SUMF1: variants seen among roughly 807,000 people sequenced by gnomAD.
SUMF1 encodes the protein sulfatase modifying factor 1.
Under a neutral mutation model 47.6 loss-of-function variants are expected in SUMF1, and 48 were observed. The ratio of observed to expected loss-of-function variants is 1.01; its 90% CI spans 0.80 to 1.28. The LOEUF is 1.28. Ranked by LOEUF, SUMF1 falls within the 50% of genes most tolerant of loss-of-function variation. The probability of loss-of-function intolerance (pLI) is 0.00; values close to 1 mark genes in which losing one functional copy is unlikely to be tolerated. For synonymous variants in SUMF1, 230 were observed against 192.1 expected (o/e 1.20, Z -1.63); for missense variants, 571 against 485.4 (o/e 1.18, Z -1.66).
chr3:4,193,806 T>C (rs769606379), intron 8 of SUMF1, among the ~76,000 whole-genome samples: 26 of 152,230 alleles, frequency 1.7e-4, no homozygotes, highest in Non-Finnish European at 3.1e-4. Context: ...TCTTAACCTC[T>C]CTGAGCTGCC....
At chr3:4,163,380 AAGGGAGGGAGGGAGGGAGGGAGGGAGGG>A (rs1176844512) in intron 8 of SUMF1, among the ~76,000 whole-genome samples, 19 of 22,958 alleles carry the variant, frequency 8.3e-4, no homozygotes, top group Non-Finnish European at 1.4e-3. Context: ...GGAAGGAAGG[AAGGGAGGGAGGGAGGGAGGGAGGGAGGG>A]AGGGAGGGAG....
chr3:4,162,683 G>A (rs1404834322), intron 8 of SUMF1, among the ~76,000 whole-genome samples: 2 of 152,172 alleles, frequency 1.3e-5, no homozygotes, highest in African/African-American at 2.4e-5. Context: ...GTTGCCAGAA[G>A]GATGGGAGTG....
At chr3:4,241,586 A>C (rs1157597913) in intron 8 of SUMF1, among the ~76,000 whole-genome samples, 1 of 152,170 alleles carries the variant, frequency 6.6e-6, no homozygotes, top group Admixed American at 6.6e-5. Context: ...AGTGCTAAAC[A>C]ATGTATTTTA....
intron 8 of SUMF1, among the ~76,000 whole-genome samples, chr3:4,132,220 C>A (rs114546590): frequency 6.6e-6 from 1 of 152,292 alleles, no homozygotes; most frequent in African/African-American, 2.4e-5. Flanking sequence ...GAACGCCTCA[C>A]CTACCATCAT....
intron 8 of SUMF1, among the ~76,000 whole-genome samples, chr3:4,153,416 A>G (rs908243118): frequency 6.6e-6 from 1 of 150,916 alleles, no homozygotes; most frequent in Non-Finnish European, 1.5e-5. Flanking sequence ...GGATCTTCCT[A>G]TATTGCCCCA....
intron 8 of SUMF1, among the ~76,000 whole-genome samples, chr3:4,283,452 T>C (rs972694958): frequency 2.0e-5 from 3 of 152,116 alleles, no homozygotes; most frequent in Admixed American, 2.0e-4. Context: ...TTTCATTAAG[T>C]ATTTGCCTTT....
At chr3:4,346,479 A>C (rs577581132) in intron 8 of SUMF1, among the ~76,000 whole-genome samples, 4 of 152,310 alleles carry the variant, frequency 2.6e-5, no homozygotes, top group African/African-American at 9.6e-5. Context: ...TTTGAAACCA[A>C]TGAGAACAAA....
chr3:4,059,201 G>T (rs1000545932), intron 9 of SUMF1, among the ~76,000 whole-genome samples: 3 of 152,040 alleles, frequency 2.0e-5, no homozygotes, highest in Non-Finnish European at 4.4e-5. Context: ...TCAGCATAAG[G>T]CTCATAGATG....
At chr3:4,201,498 G>C (rs756943057) in intron 8 of SUMF1, among the ~76,000 whole-genome samples, 1 of 152,012 alleles carries the variant, frequency 6.6e-6, no homozygotes, top group Non-Finnish European at 1.5e-5. Context: ...TGGCTGAATA[G>C]TACTCCATTG....
chr3:4,129,430 T>G (rs1455543385), intron 8 of SUMF1, among the ~76,000 whole-genome samples: 1 of 152,120 alleles, frequency 6.6e-6, no homozygotes, highest in Non-Finnish European at 1.5e-5. Context: ...CTACTTAATT[T>G]ATATAAGCAG....
At chr3:4,105,802 T>G (rs1271601276) in intron 8 of SUMF1, among the ~76,000 whole-genome samples, 1 of 152,130 alleles carries the variant, frequency 6.6e-6, no homozygotes, top group African/African-American at 2.4e-5. Context: ...TATGCATTCT[T>G]ACAAACTATT....
chr3:4,098,671 A>G (rs911949486), intron 8 of SUMF1, among the ~76,000 whole-genome samples: 1 of 152,168 alleles, frequency 6.6e-6, no homozygotes, highest in African/African-American at 2.4e-5. Flanking sequence ...CTGCATAATC[A>G]TGCTAGCTAA....
At chr3:4,050,577 A>G (rs1323245066) in intron 9 of SUMF1, among the ~76,000 whole-genome samples, 1 of 151,612 alleles carries the variant, frequency 6.6e-6, no homozygotes, top group Non-Finnish European at 1.5e-5. Context: ...CCCCGTCTCC[A>G]CTAAAAATAC....
chr3:4,111,528 G>A (rs1482613291), intron 8 of SUMF1, among the ~76,000 whole-genome samples: 5 of 151,916 alleles, frequency 3.3e-5, no homozygotes, highest in African/African-American at 1.2e-4. Context: ...GAACATCCTG[G>A]CCAACATGGT....
intron 8 of SUMF1, among the ~76,000 whole-genome samples, chr3:4,236,414 T>G (rs970056492): frequency 6.6e-6 from 1 of 152,094 alleles, no homozygotes; most frequent in Non-Finnish European, 1.5e-5. Flanking sequence ...AAATGCTTTT[T>G]CTAATGACTG....
At chr3:4,224,444 A>G (rs1696132070) in intron 8 of SUMF1, among the ~76,000 whole-genome samples, 1 of 152,014 alleles carries the variant, frequency 6.6e-6, no homozygotes, top group East Asian at 1.9e-4. Context: ...TCTTATTTTT[A>G]TAACAAACCC....
At chr3:4,145,847 G>A (rs534051608) in intron 8 of SUMF1, among the ~76,000 whole-genome samples, 1 of 152,242 alleles carries the variant, frequency 6.6e-6, no homozygotes, top group Non-Finnish European at 1.5e-5. Flanking sequence ...AGGCTTCCCA[G>A]CCCCATTCAT....
intron 8 of SUMF1, among the ~76,000 whole-genome samples, chr3:4,275,573 C>T (rs909595038): frequency 5.3e-5 from 8 of 152,280 alleles, no homozygotes; most frequent in African/African-American, 1.9e-4. Context: ...CACTCCTAAA[C>T]CAATCACTGG....
chr3:4,403,629 T>G (rs527832173), intron 7 of SUMF1, among the ~76,000 whole-genome samples: 1 of 152,250 alleles, frequency 6.6e-6, no homozygotes, highest in Admixed American at 6.5e-5. Context: ...ACATTCTTAT[T>G]CTCAGCAACA....
Sources: allele counts gnomAD v4.1 joint callset (sites outside exome capture counted in the v4.1 genomes callset), GRCh38; gene constraint gnomAD v4.1.1; transcripts MANE v1.5; gene names NCBI Gene and HGNC (gene_info 2026-07-23, HGNC 2026-07-21).